The following CDKAL1 variants were observed in gnomAD, a reference collection of about 807,000 sequenced individuals.
CDKAL1 encodes the protein CDKAL1 threonylcarbamoyladenosine tRNA methylthiotransferase.
CDKAL1 carries 32 observed loss-of-function variants against 68.2 expected under a neutral mutation model. The ratio of observed to expected loss-of-function variants is 0.47; its 90% CI spans 0.35 to 0.63. The LOEUF (loss-of-function observed/expected upper bound fraction) is 0.63, where lower values mean the gene tolerates loss of function less well. Ranked by LOEUF, CDKAL1 falls within the 30% of genes least tolerant of loss-of-function variation. CDKAL1 has a pLI of 0.00. For missense variants in CDKAL1, 606 were observed against 696.7 expected (o/e 0.87, Z 1.47); for synonymous variants, 234 against 244.3 (o/e 0.96, Z 0.39).
intron 5 of CDKAL1, among the ~76,000 whole-genome samples, chr6:20,729,499 G>C (rs1013018074): frequency 6.6e-6 from 1 of 152,010 alleles, no homozygotes; most frequent in Non-Finnish European, 1.5e-5. Context: ...TGCTACTTTC[G>C]TGTAACCATA....
chr6:20,716,727 G>T (rs2328548), intron 5 of CDKAL1, among the ~76,000 whole-genome samples: 1 of 150,746 alleles, frequency 6.6e-6, no homozygotes, highest in Non-Finnish European at 1.5e-5. Context: ...TTGTTGGTTT[G>T]TATACTTGAT....
At chr6:21,095,982 T>C (rs1243612290) in intron 12 of CDKAL1, among the ~76,000 whole-genome samples, 1 of 152,184 alleles carries the variant, frequency 6.6e-6, no homozygotes, top group Non-Finnish European at 1.5e-5. Context: ...GAGAGAGATA[T>C]CAGTGATGGT....
intron 13 of CDKAL1, among the ~76,000 whole-genome samples, chr6:21,176,844 G>A (rs1208659481): frequency 2.1e-5 from 3 of 146,262 alleles, no homozygotes; most frequent in Non-Finnish European, 4.5e-5. Flanking sequence ...ACAGGCGCCT[G>A]CCACAGTGCC....
rs182569945 is a variant in CDKAL1 at position 20,914,779 on chromosome 6, G to A, written c.743-40640G>A. 7.0e-4 allele frequency among the ~76,000 whole-genome samples: 107 copies of A among 152,290 alleles called. 1 individual carries two copies. Among genetic ancestry groups the A allele is most frequent in the Non-Finnish European group, 1.5e-5 (1 of 68,020 alleles). On this transcript the variant is annotated intron_variant, in intron 9 of 15. Coordinates refer to ENST00000274695, the MANE Select transcript of CDKAL1 (RefSeq NM_017774.3). ...CACATAGCCTCCCCTAAGAAGCTCT[G>A]TAGTAAACATTTGAAATTTTCCTGC...
intron 10 of CDKAL1, among the ~76,000 whole-genome samples, chr6:20,964,726 A>T (rs1208896947): frequency 6.6e-6 from 1 of 152,122 alleles, no homozygotes; most frequent in African/African-American, 2.4e-5. Flanking sequence ...TAATCTGTAC[A>T]ACAAACCCCC....
intron 4 of CDKAL1, among the ~76,000 whole-genome samples, chr6:20,565,067 AT>A (rs1203334719): frequency 1.3e-5 from 2 of 152,238 alleles, no homozygotes; most frequent in Non-Finnish European, 2.9e-5. Flanking sequence ...TATACAGCCT[AT>A]TACATCCAAT....
chr6:20,898,528 G>C (rs949084474), intron 9 of CDKAL1, among the ~76,000 whole-genome samples: 1 of 151,016 alleles, frequency 6.6e-6, no homozygotes, highest in Non-Finnish European at 1.5e-5. Context: ...TTTTATAAGG[G>C]GTATTATAAT....
At chr6:21,188,465 G>A (rs754820875) in intron 13 of CDKAL1, among the ~76,000 whole-genome samples, 51 of 152,184 alleles carry the variant, frequency 3.4e-4, no homozygotes, top group Non-Finnish European at 2.9e-4. Flanking sequence ...CCAAGTAATG[G>A]CTGAGAGAGA....
intron 8 of CDKAL1, among the ~76,000 whole-genome samples, chr6:20,839,261 A>G (rs1348780871): frequency 6.6e-6 from 1 of 152,172 alleles, no homozygotes; most frequent in Non-Finnish European, 1.5e-5. Context: ...AATATAAGGA[A>G]AATATAATGA....
intron 6 of CDKAL1, among the ~76,000 whole-genome samples, chr6:20,757,899 C>G (rs574349580): frequency 6.6e-6 from 1 of 152,144 alleles, no homozygotes; most frequent in South Asian, 2.1e-4. Context: ...CTTTTAAACT[C>G]TAGCCATGCT....
chr6:21,202,488 C>CT (rs1304608477), intron 15 of CDKAL1, among the ~76,000 whole-genome samples: 1 of 151,570 alleles, frequency 6.6e-6, no homozygotes, highest in East Asian at 1.9e-4. Context: ...AGAGATTTGG[C>CT]TTTTGATATG....
chr6:21,082,873 T>TG (rs1491160874), intron 12 of CDKAL1, among the ~76,000 whole-genome samples: 3 of 131,280 alleles, frequency 2.3e-5, no homozygotes, highest in Non-Finnish European at 5.0e-5. Flanking sequence ...ATGTTTCTTT[T>TG]GTTTTTTTTT....
intron 4 of CDKAL1, among the ~76,000 whole-genome samples, chr6:20,555,972 T>C (rs1234113662): frequency 6.6e-6 from 1 of 152,154 alleles, no homozygotes; most frequent in Non-Finnish European, 1.5e-5. Context: ...TTTCTCGTTT[T>C]TTTTTGGTGG....
intron 8 of CDKAL1, among the ~76,000 whole-genome samples, chr6:20,820,857 G>A (rs529871723): frequency 4.6e-5 from 7 of 152,238 alleles, no homozygotes; most frequent in African/African-American, 1.7e-4. Context: ...TAGTGGTGGA[G>A]ACAGACAGGT....
intron 13 of CDKAL1, among the ~76,000 whole-genome samples, chr6:21,168,752 A>C (rs1376668388): frequency 6.6e-6 from 1 of 152,202 alleles, no homozygotes; most frequent in Non-Finnish European, 1.5e-5. Context: ...GTTTTCTTTT[A>C]GGTAATGTAT....
chr6:20,853,402 CAA>C (rs869195000), intron 9 of CDKAL1, among the ~76,000 whole-genome samples: 1 of 34,374 alleles, frequency 2.9e-5, no homozygotes, highest in African/African-American at 4.5e-5. Context: ...AAAAAAAAAA[CAA>C]AAAAAAAAAC....
At chr6:20,584,697 T>C (rs1256656894) in intron 4 of CDKAL1, among the ~76,000 whole-genome samples, 1 of 152,220 alleles carries the variant, frequency 6.6e-6, no homozygotes, top group Admixed American at 6.5e-5. Flanking sequence ...TTCACTTAGC[T>C]AGCTTGTTAG....
chr6:20,623,501 G>A (rs1460604535), intron 4 of CDKAL1, among the ~76,000 whole-genome samples: 1 of 152,062 alleles, frequency 6.6e-6, no homozygotes, highest in Admixed American at 6.6e-5. Context: ...AATCAGTGAG[G>A]AAAGGAAATT....
At chr6:20,644,497 G>A (rs998315855) in intron 4 of CDKAL1, among the ~76,000 whole-genome samples, 9 of 152,062 alleles carry the variant, frequency 5.9e-5, no homozygotes, top group African/African-American at 1.9e-4. Flanking sequence ...CTAACATGGT[G>A]AAACCCTGTC....
Sources: gnomAD v4.1 joint callset for allele counts (sites outside exome capture counted in the v4.1 genomes callset) on GRCh38, gnomAD v4.1.1 for gene constraint, MANE v1.5 for transcripts, NCBI Gene and HGNC (gene_info 2026-07-23, HGNC 2026-07-21) for gene names.